The following PPP1R9A variants were observed in gnomAD, a reference collection of about 807,000 sequenced individuals.
The protein encoded by PPP1R9A is neurabin-1.
Under a neutral mutation model 141.9 loss-of-function variants are expected in PPP1R9A, and 59 were observed. The ratio of observed to expected loss-of-function variants is 0.42; its 90% CI spans 0.34 to 0.52. The LOEUF (loss-of-function observed/expected upper bound fraction) is 0.52, where lower values mean the gene tolerates loss of function less well. PPP1R9A is among the 20% of genes least tolerant of loss of function. The probability of loss-of-function intolerance (pLI) is 0.10; values close to 1 mark genes in which losing one functional copy is unlikely to be tolerated. For missense variants in PPP1R9A, 1,444 were observed against 1,611.9 expected (o/e 0.90, Z 1.78); for synonymous variants, 500 against 569.7 (o/e 0.88, Z 1.74).
At chr7:95,078,600 G>A (rs60727940) in intron 2 of PPP1R9A, among the ~76,000 whole-genome samples, 3,700 of 152,248 alleles carry the variant, frequency 0.024, 163 homozygotes, top group African/African-American at 0.085. Flanking sequence ...CCCAACAACA[G>A]TGTAAAAGTG....
chr7:95,025,380 A>G (rs1439805476), intron 2 of PPP1R9A, among the ~76,000 whole-genome samples: 2 of 152,080 alleles, frequency 1.3e-5, no homozygotes, highest in Non-Finnish European at 2.9e-5. Flanking sequence ...TCTTTTCTTT[A>G]AGAATGTTGA....
chr7:95,269,170 G>T (rs750166176), intron 13 of PPP1R9A, 37 bp from the exon 14 acceptor site: 1 of 1,479,074 alleles, frequency 6.8e-7, no homozygotes, highest in Non-Finnish European at 9.2e-7. Flanking sequence ...CTGATACTCA[G>T]TGGCATAACC....
chr7:95,178,593 T>C (rs1186608547), intron 5 of PPP1R9A, among the ~76,000 whole-genome samples: 1 of 151,884 alleles, frequency 6.6e-6, no homozygotes, highest in African/African-American at 2.4e-5. Context: ...GAAAAGTTGG[T>C]TTTTTGAAAA....
intron 12 of PPP1R9A, among the ~76,000 whole-genome samples, chr7:95,267,592 G>T (rs1285998231): frequency 6.6e-6 from 1 of 152,020 alleles, no homozygotes; most frequent in Non-Finnish European, 1.5e-5. Context: ...AAAATTAAAG[G>T]TGGTAAGAGC....
chr7:95,268,548 A>G lies in PPP1R9A; in HGVS notation c.2666-2A>G. On this transcript the variant is annotated splice_acceptor_variant, in intron 12 of 19. Transcript: ENST00000433360. LOFTEE classifies it high-confidence loss of function. ...TCACTGATTATCTTTCAATATTCTTAGACTTGAATGAAGCAGTCCCAGAGA... is the reference window on the plus strand; with the variant it reads ...TCACTGATTATCTTTCAATATTCTTGGACTTGAATGAAGCAGTCCCAGAGA... The G allele has an allele frequency of 6.2e-7, 1 of 1,612,896 alleles. No homozygotes were observed. Among genetic ancestry groups the G allele is most frequent in the Non-Finnish European group, 8.5e-7 (1 of 1,179,256 alleles).
chr7:95,068,357 C>G (rs1813254798), intron 2 of PPP1R9A, among the ~76,000 whole-genome samples: 1 of 150,186 alleles, frequency 6.7e-6, no homozygotes, highest in Non-Finnish European at 1.5e-5. Context: ...GTAGTCCCAG[C>G]TACTTGGGAG....
At chr7:95,044,522 G>A (rs534999940) in intron 2 of PPP1R9A, among the ~76,000 whole-genome samples, 194 of 149,260 alleles carry the variant, frequency 1.3e-3, no homozygotes, top group African/African-American at 4.3e-3. Context: ...TCAATAAGCT[G>A]ATATTATTAA....
chr7:95,080,874 G>A (rs1446771675), intron 2 of PPP1R9A, among the ~76,000 whole-genome samples: 3 of 152,164 alleles, frequency 2.0e-5, no homozygotes, highest in African/African-American at 7.2e-5. Context: ...CAAAACAGCA[G>A]AGATTTATAT....
In PPP1R9A at chr7:94,910,279, G is replaced by C; in HGVS notation, c.166G>C (p.Gly56Arg). The C allele has an allele frequency of 6.2e-7, 1 of 1,614,060 alleles. No homozygotes were observed. Among genetic ancestry groups the C allele is most frequent in the Non-Finnish European group, 8.5e-7 (1 of 1,180,020 alleles). Residue 56 changes from glycine to arginine, a missense_variant, in exon 2 of 20, where the codon GGG becomes CGG. Transcript: ENST00000433360. This position sits in a 1 kb window ranked among gnomAD's most constrained non-coding sequence, Gnocchi z 4.5. ...KEGEGSQQSR[G>R]RKYGSNVNRI... is the part of the protein sequence containing the mutation. ...AGGTGAGGGCTCCCAGCAGAGCAGG[G>C]GGAGGAAATATGGCTCCAATGTCAA...
chr7:94,926,385 G>A (rs1195136577), intron 2 of PPP1R9A, among the ~76,000 whole-genome samples: 2 of 152,102 alleles, frequency 1.3e-5, no homozygotes, highest in Admixed American at 1.3e-4. Flanking sequence ...GAAGGGGAGA[G>A]TACTCATTTT....
At chr7:95,168,600 A>C (rs188233800) in intron 5 of PPP1R9A, among the ~76,000 whole-genome samples, 27 of 152,204 alleles carry the variant, frequency 1.8e-4, no homozygotes, top group East Asian at 1.7e-3. Flanking sequence ...GAGTGAAGAG[A>C]CAGCCTGTTG....
chr7:95,181,421 A>C (rs1465393368), intron 5 of PPP1R9A, among the ~76,000 whole-genome samples: 2 of 93,356 alleles, frequency 2.1e-5, no homozygotes, highest in Admixed American at 2.4e-4. Context: ...TATATATAGA[A>C]TATAGAGAAT....
intron 2 of PPP1R9A, among the ~76,000 whole-genome samples, chr7:95,034,608 C>T (rs1241887406): frequency 3.9e-5 from 6 of 152,268 alleles, no homozygotes; most frequent in Middle Eastern, 3.4e-3. Flanking sequence ...CAGCCTCAGC[C>T]TCCCAAAGTG....
At chr7:95,284,796 G>C (rs1183697825) in intron 17 of PPP1R9A, among the ~76,000 whole-genome samples, 2 of 152,132 alleles carry the variant, frequency 1.3e-5, no homozygotes, top group East Asian at 3.8e-4. Flanking sequence ...ATATGCATGG[G>C]TGTTACTTGT....
chr7:95,112,472 T>A (rs1056326911), intron 3 of PPP1R9A, among the ~76,000 whole-genome samples: 11 of 152,088 alleles, frequency 7.2e-5, no homozygotes, highest in Non-Finnish European at 1.6e-4. Flanking sequence ...GAAATGTAAA[T>A]CAGTACAATC....
At chr7:95,119,154 G>A (rs1340854184) in intron 3 of PPP1R9A, among the ~76,000 whole-genome samples, 1 of 152,070 alleles carries the variant, frequency 6.6e-6, no homozygotes. Context: ...TGCTAGTAAA[G>A]CATGATTACA....
At chr7:94,913,638 T>C (rs1053912108) in intron 2 of PPP1R9A, among the ~76,000 whole-genome samples, 1 of 152,156 alleles carries the variant, frequency 6.6e-6, no homozygotes, top group Non-Finnish European at 1.5e-5. Context: ...AATATGCAAG[T>C]GGATTCACTT....
chr7:95,070,612 C>CATATATATATATATATATATAT (rs1189594255), intron 2 of PPP1R9A, among the ~76,000 whole-genome samples: 50 of 79,846 alleles, frequency 6.3e-4, no homozygotes, highest in African/African-American at 2.1e-3. Context: ...TATATATATA[C>CATATATATATATATATATATAT]ACACACACAC....
chr7:94,967,995 A>G (rs1485554500), intron 2 of PPP1R9A, among the ~76,000 whole-genome samples: 3 of 152,134 alleles, frequency 2.0e-5, no homozygotes, highest in Admixed American at 1.3e-4. Flanking sequence ...TATCTGTCAA[A>G]TACTGACTGT....
Sources: allele counts gnomAD v4.1 joint callset (sites outside exome capture counted in the v4.1 genomes callset), GRCh38; gene constraint gnomAD v4.1.1; non-coding constraint Gnocchi (gnomAD v3.1); transcripts MANE v1.5; gene names NCBI Gene and HGNC (gene_info 2026-07-23, HGNC 2026-07-21).